NELL1: variants seen among roughly 807,000 people sequenced by gnomAD.
NELL1 encodes the protein protein kinase C-binding protein NELL1.
NELL1 carries 76 observed loss-of-function variants against 107.4 expected under a neutral mutation model. That is an observed-to-expected ratio of 0.71 (90% CI 0.59 to 0.86). The LOEUF (loss-of-function observed/expected upper bound fraction) is 0.86, where lower values mean the gene tolerates loss of function less well. NELL1 is among the 40% of genes least tolerant of loss of function. The pLI, the probability that NELL1 is intolerant of heterozygous loss-of-function variation, is 0.00. For synonymous variants in NELL1, 353 were observed against 341.2 expected (o/e 1.03, Z -0.38); for missense variants, 1,024 against 1,005.5 (o/e 1.02, Z -0.25).
At chr11:21,550,467 C>G (rs927604384) in intron 16 of NELL1, among the ~76,000 whole-genome samples, 4 of 151,840 alleles carry the variant, frequency 2.6e-5, no homozygotes, top group African/African-American at 7.2e-5. Context: ...GGTTTTTATG[C>G]TTTTAGGTCT....
intron 14 of NELL1, among the ~76,000 whole-genome samples, chr11:21,303,674 A>G (rs1386047048): frequency 1.3e-5 from 2 of 152,132 alleles, no homozygotes; most frequent in African/African-American, 4.8e-5. Flanking sequence ...ACTCAAAGGA[A>G]AAGAAATCAA....
chr11:20,976,538 G>A (rs1202301936), intron 12 of NELL1, among the ~76,000 whole-genome samples: 1 of 151,978 alleles, frequency 6.6e-6, no homozygotes, highest in African/African-American at 2.4e-5. Context: ...AAGAAGAGAG[G>A]GAAAATGTTT....
chr11:21,479,343 A>AT (rs1854430130), intron 15 of NELL1, among the ~76,000 whole-genome samples: 1 of 151,728 alleles, frequency 6.6e-6, no homozygotes, highest in African/African-American at 2.4e-5. Context: ...ATATACTGAA[A>AT]TAGCATTCAG....
chr11:20,721,462 A>G (rs1314286782), intron 2 of NELL1, among the ~76,000 whole-genome samples: 1 of 151,964 alleles, frequency 6.6e-6, no homozygotes, highest in Non-Finnish European at 1.5e-5. Flanking sequence ...TGCAACTGCT[A>G]TAAGGAGGCT....
intron 14 of NELL1, among the ~76,000 whole-genome samples, chr11:21,264,554 T>C (rs1027611491): frequency 2.0e-5 from 3 of 152,008 alleles, no homozygotes; most frequent in African/African-American, 7.2e-5. Context: ...GGCTAAAATA[T>C]CTGGCTTCTG....
intron 13 of NELL1, among the ~76,000 whole-genome samples, chr11:21,148,571 G>A (rs1444439081): frequency 6.6e-6 from 1 of 152,176 alleles, no homozygotes; most frequent in African/African-American, 2.4e-5. Flanking sequence ...AGTTCCTTGA[G>A]TTGCTGATGA....
chr11:20,869,525 G>A (rs1407801881), intron 4 of NELL1, among the ~76,000 whole-genome samples: 3 of 152,180 alleles, frequency 2.0e-5, no homozygotes, highest in African/African-American at 7.2e-5. Context: ...TAGGGAGATG[G>A]CTGTGTACAG....
At chr11:20,710,544 G>A (rs548943885) in intron 2 of NELL1, among the ~76,000 whole-genome samples, 2 of 152,200 alleles carry the variant, frequency 1.3e-5, no homozygotes, top group African/African-American at 4.8e-5. Flanking sequence ...TGGTATTAGG[G>A]TGACACTGGT....
intron 12 of NELL1, among the ~76,000 whole-genome samples, chr11:21,104,736 A>G (rs1050137901): frequency 1.3e-5 from 2 of 152,238 alleles, no homozygotes; most frequent in East Asian, 1.9e-4. Flanking sequence ...AGAAATGTAA[A>G]GTGTTATGTT....
chr11:21,096,676 T>C (rs1854650337), intron 12 of NELL1, among the ~76,000 whole-genome samples: 1 of 152,104 alleles, frequency 6.6e-6, no homozygotes, highest in East Asian at 1.9e-4. Flanking sequence ...GATTTCTATT[T>C]TGGGGACTAC....
In NELL1 at chr11:21,514,588, T is replaced by C. The variant is rs138005087; in HGVS notation, c.1646-19786T>C. ...GGTTGCCAGATTAATCTCTTTTTTG[T>C]TTTTTTTAGAGATGCCAGGCATCCA... On this transcript the variant is annotated intron_variant, in intron 15 of 19. Coordinates refer to ENST00000357134, the MANE Select transcript of NELL1 (RefSeq NM_006157.5). 1.4e-4 allele frequency among the ~76,000 whole-genome samples: 21 copies of C among 151,460 alleles called. 1 individual carries two copies. Among genetic ancestry groups the C allele is most frequent in the African/African-American group, 4.6e-4 (19 of 40,930 alleles).
At chr11:21,355,944 T>G (rs1331783801) in intron 14 of NELL1, among the ~76,000 whole-genome samples, 1 of 152,094 alleles carries the variant, frequency 6.6e-6, no homozygotes, top group African/African-American at 2.4e-5. Flanking sequence ...GCTGTAACCT[T>G]TGCCTGGAAC....
chr11:21,161,725 T>G (rs1856375100), intron 13 of NELL1, among the ~76,000 whole-genome samples: 1 of 152,032 alleles, frequency 6.6e-6, no homozygotes, highest in African/African-American at 2.4e-5. Flanking sequence ...ATCTACTATA[T>G]CCTAAATATC....
intron 15 of NELL1, among the ~76,000 whole-genome samples, chr11:21,415,940 T>C (rs1852508260): frequency 6.6e-6 from 1 of 151,232 alleles, no homozygotes. Context: ...TCAAGAGGAG[T>C]TGGGAGAGGA....
intron 2 of NELL1, among the ~76,000 whole-genome samples, chr11:20,686,361 A>G (rs1242744057): frequency 1.3e-5 from 2 of 151,548 alleles, no homozygotes. Context: ...GAATTGAGTA[A>G]GTAAGATTTT....
intron 12 of NELL1, among the ~76,000 whole-genome samples, chr11:21,010,533 G>C (rs944665201): frequency 6.6e-6 from 1 of 152,046 alleles, no homozygotes; most frequent in Non-Finnish European, 1.5e-5. Context: ...TGACCTAACA[G>C]CTGACTGAAG....
chr11:21,261,427 T>C (rs1848529048), intron 14 of NELL1, among the ~76,000 whole-genome samples: 1 of 151,776 alleles, frequency 6.6e-6, no homozygotes, highest in Non-Finnish European at 1.5e-5. Context: ...TCTTTTATTA[T>C]TTAGATGGAC....
chr11:21,233,213 AG>A (rs1224970782), intron 14 of NELL1, among the ~76,000 whole-genome samples: 13 of 152,324 alleles, frequency 8.5e-5, no homozygotes, highest in African/African-American at 2.9e-4. Flanking sequence ...ACTCTCATTA[AG>A]TATGTGCAAG....
chr11:20,707,274 C>G (rs1189352881), intron 2 of NELL1, among the ~76,000 whole-genome samples: 1 of 152,066 alleles, frequency 6.6e-6, no homozygotes, highest in Non-Finnish European at 1.5e-5. Flanking sequence ...AATCTTTTTT[C>G]AAGGTTTTTA....
Sources: gnomAD v4.1 joint callset for allele counts (sites outside exome capture counted in the v4.1 genomes callset) on GRCh38, gnomAD v4.1.1 for gene constraint, MANE v1.5 for transcripts, NCBI Gene and HGNC (gene_info 2026-07-23, HGNC 2026-07-21) for gene names.